The following ITCH variants were observed in gnomAD, a reference collection of about 807,000 sequenced individuals.
The protein encoded by ITCH is itchy E3 ubiquitin protein ligase.
In ITCH, 28 loss-of-function variants were observed where a neutral mutation model predicts 126.8. The ratio of observed to expected loss-of-function variants is 0.22; its 90% confidence interval spans 0.16 to 0.30. The LOEUF is 0.30. ITCH is among the 10% of genes least tolerant of loss of function. The pLI, the probability that ITCH is intolerant of heterozygous loss-of-function variation, is 1.00. For synonymous variants in ITCH, 342 were observed against 340.0 expected (o/e 1.01, Z -0.06); for missense variants, 631 against 1,032.4 (o/e 0.61, Z 5.33).
At chr20:34,393,089 A>G (rs2038543955) in intron 2 of ITCH, among the ~76,000 whole-genome samples, 1 of 152,132 alleles carries the variant, frequency 6.6e-6, no homozygotes, top group African/African-American at 2.4e-5. Flanking sequence ...CATGCATGCT[A>G]ACAGTTATGT....
rs553357152 is a variant in ITCH, at chr20:34,442,623, G to C, written c.965+320G>C. 6.6e-5 allele frequency among the ~76,000 whole-genome samples: 10 copies of C among 151,902 alleles called. No homozygotes were observed. In the South Asian group the frequency reaches 1.7e-3, roughly 25 times the overall value. On this transcript the variant is annotated intron_variant, in intron 10 of 24. Coordinates refer to ENST00000374864, the MANE Select transcript of ITCH (RefSeq NM_031483.7). ...CCGCGTTGGCCTCCCAAAGTGCTGGGATTACAGGCGTGAGCTATCATGCCT... is the reference window on the plus strand; with the variant it reads ...CCGCGTTGGCCTCCCAAAGTGCTGGCATTACAGGCGTGAGCTATCATGCCT...
At chr20:34,367,439 G>T (rs1275991428) in intron 1 of ITCH, among the ~76,000 whole-genome samples, 3 of 152,182 alleles carry the variant, frequency 2.0e-5, no homozygotes, top group Admixed American at 6.5e-5. Context: ...TTTTCTCTCA[G>T]CCTGTAGAAA....
At chr20:34,488,905 G>A (rs1989325222) in intron 20 of ITCH, among the ~76,000 whole-genome samples, 2 of 152,092 alleles carry the variant, frequency 1.3e-5, no homozygotes, top group Admixed American at 6.6e-5. Flanking sequence ...CAGGCGTGGT[G>A]TTGCACACCT....
intron 3 of ITCH, among the ~76,000 whole-genome samples, chr20:34,397,831 A>G (rs2146092001): frequency 6.6e-6 from 1 of 151,844 alleles, no homozygotes; most frequent in East Asian, 1.9e-4. Flanking sequence ...GAAAGCTTTT[A>G]TTAGAACAGT....
Position 34,393,248 on chromosome 20 carries a change from C to T in ITCH, c.-21-543C>T, listed in dbSNP as rs1466449500. Among the ~76,000 whole-genome samples the T allele has an allele frequency of 3.3e-5, 5 of 152,154 alleles. No homozygotes were observed. The South Asian group carries it at 6.2e-4, about 19-fold the overall frequency. On this transcript the variant is annotated intron_variant, in intron 2 of 24. Coordinates refer to ENST00000374864, the MANE Select transcript of ITCH (RefSeq NM_031483.7). ...TAATTTGGTCAGGTGTGGTGGCTCA[C>T]GCTGTAATCCAGCACTTTGGGAAGT...
intron 14 of ITCH, among the ~76,000 whole-genome samples, chr20:34,467,569 G>T (rs1322156135): frequency 6.6e-6 from 1 of 150,622 alleles, no homozygotes; most frequent in Non-Finnish European, 1.5e-5. Context: ...AGAAAATTCT[G>T]GCCTAGATGG....
chr20:34,449,526 G>T (rs1354219440), intron 12 of ITCH, 46 bp downstream of exon 12: 1 of 1,272,684 alleles, frequency 7.9e-7, no homozygotes, highest in Admixed American at 1.7e-5. Flanking sequence ...TTTCATTTTT[G>T]TTCTCTTCCA....
chr20:34,408,706 C>T lies in ITCH; in HGVS notation c.126C>T (p.Tyr42=), dbSNP rs757719312. 3.1e-6 allele frequency: 5 copies of T among 1,613,564 alleles called. No homozygotes were observed. Among genetic ancestry groups the T allele is most frequent in the South Asian group, 1.1e-5 (1 of 91,086 alleles). ...AGAATTGGTTTGGACCAAGTCCTTACGTAGAGGTCACAGTAGATGGACAGT... is the reference window on the plus strand; with the variant it reads ...AGAATTGGTTTGGACCAAGTCCTTATGTAGAGGTCACAGTAGATGGACAGT... The part of the protein sequence containing the change: ...NKKNWFGPSP[Y]VEVTVDGQSK... Residue 42 remains tyrosine, a synonymous_variant, in exon 4 of 25, where the codon TAC becomes TAT. Coordinates refer to ENST00000374864, the MANE Select transcript of ITCH (RefSeq NM_031483.7).
At chr20:34,464,517 G>C (rs1258854284) in intron 14 of ITCH, among the ~76,000 whole-genome samples, 2 of 151,912 alleles carry the variant, frequency 1.3e-5, no homozygotes, top group Non-Finnish European at 2.9e-5. Context: ...GTAGAAGACA[G>C]GGTTTCTCCT....
At chr20:34,475,875 A>G in intron 16 of ITCH, 2 of 957,236 alleles carry the variant, frequency 2.1e-6, no homozygotes, top group Non-Finnish European at 1.7e-6. Flanking sequence ...TTAAATAATA[A>G]TTATAAAAAT....
At chr20:34,464,468 A>G (rs1166899731) in intron 14 of ITCH, among the ~76,000 whole-genome samples, 5 of 151,828 alleles carry the variant, frequency 3.3e-5, no homozygotes, top group Non-Finnish European at 7.4e-5. Flanking sequence ...CTGGGATTAT[A>G]GGCATGCACC....
At chr20:34,425,683 A>ATAGTACC (rs1401033566) in intron 7 of ITCH, among the ~76,000 whole-genome samples, 3 of 152,226 alleles carry the variant, frequency 2.0e-5, no homozygotes, top group Admixed American at 2.0e-4. Context: ...ACATCCAGAC[A>ATAGTACC]TAGTACCTTT....
intron 24 of ITCH, among the ~76,000 whole-genome samples, chr20:34,505,686 G>A (rs1990579168): frequency 6.6e-6 from 1 of 151,902 alleles, no homozygotes; most frequent in African/African-American, 2.4e-5. Flanking sequence ...CCGAGTAGCT[G>A]GGACTATAGG....
chr20:34,449,345 CAT>C, intron 11 of ITCH, 64 bp from the exon 12 acceptor site: 1 of 940,024 alleles, frequency 1.1e-6, no homozygotes, highest in Non-Finnish European at 1.7e-6. Context: ...AATCAGAACT[CAT>C]AAGCTTGCTG....
rs190336148 is a variant in ITCH at position 34,408,487 on chromosome 20, G to A, written c.71-164G>A. ...ACCTCTATATTTATTTACTAGGATG[G>A]GAGGAAGTACAAAGGTTATGAGTGA... On this transcript the variant is annotated intron_variant, in intron 3 of 24. Transcript: ENST00000374864. 6.4e-3 allele frequency among the ~76,000 whole-genome samples: 982 copies of A among 152,272 alleles called. 10 individuals are homozygous for A. Among genetic ancestry groups the A allele is most frequent in the South Asian group, 0.025 (122 of 4,824 alleles).
intron 6 of ITCH, among the ~76,000 whole-genome samples, chr20:34,419,097 G>T (rs1049011536): frequency 2.6e-5 from 4 of 152,098 alleles, no homozygotes; most frequent in Non-Finnish European, 4.4e-5. Flanking sequence ...TTATGTTTTT[G>T]TCTTACTTTA....
At chr20:34,408,872 T>A (rs961508142) in intron 4 of ITCH, 80 bp downstream of exon 4, 75 of 1,435,150 alleles carry the variant, frequency 5.2e-5, no homozygotes, top group Non-Finnish European at 7.0e-5. Context: ...TGTTTCTCAC[T>A]TTGGTTTTTT....
intron 7 of ITCH, among the ~76,000 whole-genome samples, chr20:34,425,573 C>A (rs746148172): frequency 6.6e-6 from 1 of 152,160 alleles, no homozygotes; most frequent in Non-Finnish European, 1.5e-5. Context: ...AAAACCGCCC[C>A]GTGGCTGGAG....
chr20:34,461,970 A>G, intron 13 of ITCH, 123 bp from the exon 14 acceptor site: 1 of 926,084 alleles, frequency 1.1e-6, no homozygotes, highest in Non-Finnish European at 1.7e-6. Flanking sequence ...ATACAACTGA[A>G]TTACTGAACT....
Sources: allele counts gnomAD v4.1 joint callset (sites outside exome capture counted in the v4.1 genomes callset), GRCh38; gene constraint gnomAD v4.1.1; transcripts MANE v1.5; gene names NCBI Gene and HGNC (gene_info 2026-07-23, HGNC 2026-07-21).